Variants in BMPER observed in about 807,000 individuals in gnomAD.
BMPER encodes the protein BMP binding endothelial regulator, also known as BMP-binding endothelial regulator protein.
A neutral mutation model predicts 87.3 loss-of-function variants in BMPER; 45 were observed. The ratio of observed to expected loss-of-function variants is 0.52; its 90% CI spans 0.41 to 0.66. The LOEUF is 0.66. Among genes scored for constraint, BMPER ranks in the 30% least tolerant of loss-of-function variants. The pLI, the probability that BMPER is intolerant of heterozygous loss-of-function variation, is 0.00. For missense variants in BMPER, 784 were observed against 867.5 expected (o/e 0.90, Z 1.21); for synonymous variants, 326 against 316.2 (o/e 1.03, Z -0.33).
At chr7:33,944,261 A>T (rs1784829968) in intron 3 of BMPER, among the ~76,000 whole-genome samples, 1 of 151,854 alleles carries the variant, frequency 6.6e-6, no homozygotes. Flanking sequence ...CGCCTCCTGC[A>T]TCCAAGTGAT....
intron 13 of BMPER, among the ~76,000 whole-genome samples, chr7:34,090,208 C>G (rs2127978781): frequency 6.6e-6 from 1 of 152,234 alleles, no homozygotes; most frequent in South Asian, 2.1e-4. Context: ...TTGCATTATC[C>G]TTTATTAGTG....
chr7:34,148,958 A>G lies in BMPER; in HGVS notation c.1877-4134A>G, dbSNP rs1212342097. Among the ~76,000 whole-genome samples the G allele has an allele frequency of 2.6e-5, 4 of 152,160 alleles. No individual in the cohort carries two copies. The South Asian group carries it at 6.2e-4, about 24-fold the overall frequency. On this transcript the variant is annotated intron_variant, in intron 14 of 14. Coordinates refer to ENST00000649409, the MANE Select transcript of BMPER (RefSeq NM_001365308.1). ...CTGAAAGCAGCGGAGTGGAAAATGA[A>G]CTCAAGATTGGCCAGATAAAATCCA...
intron 14 of BMPER, among the ~76,000 whole-genome samples, chr7:34,152,190 C>G (rs1791192179): frequency 6.6e-6 from 1 of 152,076 alleles, no homozygotes; most frequent in African/African-American, 2.4e-5. Context: ...ATTGTTATTA[C>G]TTTTGTTTAA....
intron 2 of BMPER, among the ~76,000 whole-genome samples, chr7:33,930,038 T>C (rs1316212058): frequency 6.6e-6 from 1 of 152,196 alleles, no homozygotes; most frequent in Non-Finnish European, 1.5e-5. Flanking sequence ...GCTTGAGGTA[T>C]ATTGTGCAAA....
At chr7:34,133,417 G>T (rs1349583995) in intron 13 of BMPER, among the ~76,000 whole-genome samples, 2 of 151,764 alleles carry the variant, frequency 1.3e-5, no homozygotes, top group East Asian at 3.9e-4. Context: ...TCTGGAAGGT[G>T]GTGTGCCTGG....
At chr7:33,905,439 C>G, upstream of BMPER, 1 of 243,506 alleles carries the variant, frequency 4.1e-6, no homozygotes, top group South Asian at 3.9e-5. Context: ...CTTGGTCTCT[C>G]CCCCCGCCCT....
rs527276438 is a variant in BMPER at position 34,035,267 on chromosome 7, T to C, written c.577-11039T>C. 3.9e-5 allele frequency among the ~76,000 whole-genome samples: 6 copies of C among 152,288 alleles called. No homozygotes were observed. In the East Asian group the frequency reaches 1.2e-3, roughly 29 times the overall value. The stretch of plus-strand genomic sequence containing the variant: ...AACATTTTAGATTTTGTTAAAATTT[T>C]AGGAAATTGCCACCTGATACAAATT... On this transcript the variant is annotated intron_variant, in intron 6 of 14. Coordinates refer to ENST00000649409, the MANE Select transcript of BMPER (RefSeq NM_001365308.1).
intron 2 of BMPER, among the ~76,000 whole-genome samples, chr7:33,910,729 C>A (rs1408788426): frequency 6.6e-6 from 1 of 152,168 alleles, no homozygotes; most frequent in Non-Finnish European, 1.5e-5. Flanking sequence ...CTCCACCTGT[C>A]TTGGAGCCAA....
At chr7:34,052,298 A>G (rs980621815) in intron 8 of BMPER, among the ~76,000 whole-genome samples, 1 of 152,330 alleles carries the variant, frequency 6.6e-6, no homozygotes. Context: ...ATTCTCTAAC[A>G]CACCTGGCAA....
rs530886561 is a variant in BMPER at position 33,997,283 on chromosome 7, C to T, written c.576+22499C>T. Among the ~76,000 whole-genome samples, 121 of 152,268 alleles carry T rather than the reference C, an allele frequency of 7.9e-4. 3 individuals carry two copies. The highest frequency in any genetic ancestry group is 3.4e-3 in the Middle Eastern group (1 of 294). ...TCCCCTCTGCCCTCAACTTGTCTTCCAAGACTCTCCTTCTGATATGGTTTA... is the reference window on the plus strand; with the variant it reads ...TCCCCTCTGCCCTCAACTTGTCTTCTAAGACTCTCCTTCTGATATGGTTTA... On this transcript the variant is annotated intron_variant, in intron 6 of 14. Transcript: ENST00000649409.
chr7:33,905,438 T>TCCCCCCCCCCCCCCCCCCACCCCCCCCC, upstream of BMPER: 2 of 23,006 alleles, frequency 8.7e-5, no homozygotes, highest in Non-Finnish European at 1.6e-4. Flanking sequence ...CCTTGGTCTC[T>TCCCCCCCCCCCCCCCCCCACCCCCCCCC]CCCCCCGCCC....
intron 6 of BMPER, among the ~76,000 whole-genome samples, chr7:34,024,403 ATATATATATATATATATATATATATAT>A (rs1787299887): frequency 5.7e-5 from 2 of 35,212 alleles, no homozygotes; most frequent in Non-Finnish European, 5.4e-5. Flanking sequence ...ATATATATAT[ATATATATATATATATATATATATATAT>A]ATATGTTGGG....
chr7:34,064,288 C>CA (rs5883444), intron 11 of BMPER, among the ~76,000 whole-genome samples: 112,291 of 146,374 alleles, frequency 0.77, 43,037 homozygotes, highest in South Asian at 0.86. Flanking sequence ...AAGACTCTGT[C>CA]AAAAAAAAAA....
chr7:33,954,603 T>A (rs1785106200), intron 3 of BMPER, among the ~76,000 whole-genome samples: 2 of 152,222 alleles, frequency 1.3e-5, no homozygotes, highest in South Asian at 4.1e-4. Context: ...ATACTTCTCT[T>A]CTTTTTAACC....
At chr7:34,127,970 T>C (rs1005419462) in intron 13 of BMPER, among the ~76,000 whole-genome samples, 2 of 152,228 alleles carry the variant, frequency 1.3e-5, no homozygotes, top group Non-Finnish European at 1.5e-5. Context: ...CTATCACTTT[T>C]CTGCTCCAAC....
intron 6 of BMPER, among the ~76,000 whole-genome samples, chr7:34,036,094 T>A (rs1443979055): frequency 6.6e-6 from 1 of 152,148 alleles, no homozygotes; most frequent in African/African-American, 2.4e-5. Context: ...CTTTTAGGAA[T>A]GGCTCATAAC....
intron 13 of BMPER, among the ~76,000 whole-genome samples, chr7:34,111,742 T>C (rs1789968335): frequency 6.6e-6 from 1 of 152,178 alleles, no homozygotes; most frequent in Non-Finnish European, 1.5e-5. Context: ...AGATGGAGTT[T>C]CACTCTTATT....
chr7:34,114,315 G>A (rs910495059), intron 13 of BMPER, among the ~76,000 whole-genome samples: 1 of 152,224 alleles, frequency 6.6e-6, no homozygotes, highest in Non-Finnish European at 1.5e-5. Context: ...GTGTTCAACA[G>A]TTGTTTATAG....
At chr7:34,109,000 A>T (rs923726946) in intron 13 of BMPER, among the ~76,000 whole-genome samples, 1 of 152,218 alleles carries the variant, frequency 6.6e-6, no homozygotes, top group Non-Finnish European at 1.5e-5. Flanking sequence ...TGATATGTGT[A>T]TATGTGTATA....
Sources: allele counts gnomAD v4.1 joint callset (sites outside exome capture counted in the v4.1 genomes callset), GRCh38; gene constraint gnomAD v4.1.1; transcripts MANE v1.5; gene names NCBI Gene and HGNC (gene_info 2026-07-23, HGNC 2026-07-21).